The following LINGO2 variants were observed in gnomAD, a reference collection of about 807,000 sequenced individuals.
LINGO2 encodes leucine rich repeat and Ig domain containing 2.
LINGO2 carries 14 observed loss-of-function variants against 30.6 expected under a neutral mutation model. That is an observed-to-expected ratio of 0.46 (90% confidence interval 0.30 to 0.72). LINGO2 has a LOEUF of 0.72. Among genes scored for constraint, LINGO2 ranks in the 30% least tolerant of loss-of-function variants. The pLI is 0.07. For missense variants in LINGO2, 729 were observed against 751.7 expected, an observed-to-expected ratio of 0.97 and a Z score of 0.35; for synonymous variants, 317 against 288.5, an observed-to-expected ratio of 1.10 and a Z score of -1.00.
At chr9:29,083,390 A>G in the LINGO2 span, among the ~76,000 whole-genome samples, 1 of 152,062 alleles carries the variant, frequency 6.6e-6, no homozygotes, top group Non-Finnish European at 1.5e-5. Context: ...CAATGAGAAC[A>G]CTTGGACACA....
At chr9:28,367,469 G>A (rs542312902) in intron 3 of LINGO2, among the ~76,000 whole-genome samples, 1 of 151,976 alleles carries the variant, frequency 6.6e-6, no homozygotes, top group African/African-American at 2.4e-5. Flanking sequence ...CTGATAACCT[G>A]GGAAATGTTA....
intron 1 of LINGO2, among the ~76,000 whole-genome samples, chr9:28,552,717 T>C (rs1046027141): frequency 1.3e-5 from 2 of 151,672 alleles, no homozygotes; most frequent in Non-Finnish European, 2.9e-5. Context: ...TTTAAGACGT[T>C]GGATTTTCTC....
At chr9:28,196,332 C>T (rs535448340) in intron 4 of LINGO2, among the ~76,000 whole-genome samples, 3 of 151,376 alleles carry the variant, frequency 2.0e-5, no homozygotes, top group Non-Finnish European at 4.4e-5. Flanking sequence ...ATTTCCAGAC[C>T]TATGTTTATA....
chr9:28,519,251 G>T (rs1034684633), intron 1 of LINGO2, among the ~76,000 whole-genome samples: 1 of 151,886 alleles, frequency 6.6e-6, no homozygotes, highest in Non-Finnish European at 1.5e-5. Flanking sequence ...GCCCAGGTTG[G>T]TCTCAAACTC....
the LINGO2 span, among the ~76,000 whole-genome samples, chr9:28,713,745 C>T: frequency 6.6e-6 from 1 of 152,012 alleles, no homozygotes; most frequent in African/African-American, 2.4e-5. Context: ...GTGGCTACCA[C>T]AATAAAGAAA....
At chr9:28,272,667 A>T (rs1046939884) in intron 4 of LINGO2, among the ~76,000 whole-genome samples, 1 of 151,794 alleles carries the variant, frequency 6.6e-6, no homozygotes, top group African/African-American at 2.4e-5. Context: ...TTTTCTCCCT[A>T]CTTCTGCCCT....
intron 2 of LINGO2, among the ~76,000 whole-genome samples, chr9:28,408,407 T>C (rs1022602079): frequency 2.0e-5 from 3 of 152,164 alleles, no homozygotes; most frequent in African/African-American, 7.2e-5. Flanking sequence ...CAGAGGATTA[T>C]GCTTTTATTT....
At chr9:28,166,948 CTCA>C (rs1828444889) in intron 4 of LINGO2, among the ~76,000 whole-genome samples, 1 of 152,048 alleles carries the variant, frequency 6.6e-6, no homozygotes, top group Non-Finnish European at 1.5e-5. Context: ...AATGAGAACT[CTCA>C]TCAATGTGCA....
At chr9:28,651,180 C>T (rs1307049560) in intron 1 of LINGO2, among the ~76,000 whole-genome samples, 5 of 130,228 alleles carry the variant, frequency 3.8e-5, no homozygotes, top group Admixed American at 7.5e-5. Flanking sequence ...AAGACTCAGT[C>T]TCAAAAAAAA....
At chr9:28,296,348 G>T (rs1823920485) in intron 3 of LINGO2, among the ~76,000 whole-genome samples, 1 of 152,046 alleles carries the variant, frequency 6.6e-6, no homozygotes, top group Non-Finnish European at 1.5e-5. Context: ...ACCATATTTA[G>T]TAATACATAT....
chr9:28,813,480 G>A, the LINGO2 span, among the ~76,000 whole-genome samples: 2 of 152,124 alleles, frequency 1.3e-5, no homozygotes. Context: ...AATTGAAACT[G>A]AGGAAAGCAA....
the LINGO2 span, among the ~76,000 whole-genome samples, chr9:28,981,209 G>A: frequency 6.6e-6 from 1 of 152,144 alleles, no homozygotes; most frequent in Non-Finnish European, 1.5e-5. Flanking sequence ...AACCCTAAGA[G>A]CAATATAGTG....
chr9:28,109,815 G>T (rs528058271), intron 4 of LINGO2, among the ~76,000 whole-genome samples: 1 of 152,076 alleles, frequency 6.6e-6, no homozygotes. Flanking sequence ...TGACCATAAT[G>T]CCAAAGTAAT....
At chr9:28,715,343 C>T in the LINGO2 span, among the ~76,000 whole-genome samples, 5 of 152,098 alleles carry the variant, frequency 3.3e-5, no homozygotes, top group African/African-American at 1.2e-4. Flanking sequence ...AGAAAATAAA[C>T]CATTATTCCT....
chr9:28,891,890 A>G, the LINGO2 span, among the ~76,000 whole-genome samples: 25,475 of 151,830 alleles, frequency 0.17, 2,232 homozygotes, highest in African/African-American at 0.21. Context: ...GCTGTAAGGC[A>G]CTTAAAAGTT....
the LINGO2 span, among the ~76,000 whole-genome samples, chr9:29,155,454 C>T: frequency 6.6e-6 from 1 of 152,054 alleles, no homozygotes; most frequent in Admixed American, 6.5e-5. Flanking sequence ...ATACTGACTA[C>T]AATTCTCTCC....
the LINGO2 span, among the ~76,000 whole-genome samples, chr9:28,684,398 C>G: frequency 6.6e-6 from 1 of 151,048 alleles, no homozygotes; most frequent in Non-Finnish European, 1.5e-5. Context: ...ACCGTGTTAG[C>G]CAGGATGGTC....
intron 4 of LINGO2, among the ~76,000 whole-genome samples, chr9:28,047,364 A>ATCTATATCTATATCTATATCTAGCT (rs1554665728): frequency 6.6e-6 from 1 of 151,488 alleles, no homozygotes; most frequent in Non-Finnish European, 1.5e-5. Flanking sequence ...TACTGTATGA[A>ATCTATATCTATATCTATATCTAGCT]AGATCTACTA....
At chr9:28,222,528 T>TA (rs371214778) in intron 4 of LINGO2, among the ~76,000 whole-genome samples, 84 of 140,892 alleles carry the variant, frequency 6.0e-4, no homozygotes, top group South Asian at 3.7e-3. Context: ...AAGGCAAAAT[T>TA]TAAAAAAAAA....
Sources: gnomAD v4.1 joint callset for allele counts (sites outside exome capture counted in the v4.1 genomes callset) on GRCh38, gnomAD v4.1.1 for gene constraint, MANE v1.5 for transcripts, NCBI Gene and HGNC (gene_info 2026-07-23, HGNC 2026-07-21) for gene names.